The following MCPH1 variants were observed in gnomAD, a reference collection of about 807,000 sequenced individuals.
The protein encoded by MCPH1 is microcephalin 1.
Under a neutral mutation model 84.5 loss-of-function variants are expected in MCPH1, and 104 were observed. The observed-to-expected ratio is 1.23, with a 90% CI of 1.05 to 1.45. MCPH1 has a LOEUF of 1.45. Among genes scored for constraint, MCPH1 ranks in the 40% most tolerant of loss-of-function variants. The pLI, the probability that MCPH1 is intolerant of heterozygous loss-of-function variation, is 0.00. For synonymous variants in MCPH1, 514 were observed against 366.8 expected, an observed-to-expected ratio of 1.40 and a Z score of -4.58; for missense variants, 1,498 against 1,005.7, an observed-to-expected ratio of 1.49 and a Z score of -6.62.
At chr8:6,582,442 CTGTG>C (rs2129577118) in intron 12 of MCPH1, among the ~76,000 whole-genome samples, 1 of 152,334 alleles carries the variant, frequency 6.6e-6, no homozygotes, top group African/African-American at 2.4e-5. Flanking sequence ...GTGCATCTAT[CTGTG>C]TATTTGCTTA....
intron 9 of MCPH1, 75 bp downstream of exon 9, chr8:6,455,327 CAT>C: frequency 9.6e-7 from 1 of 1,042,420 alleles, no homozygotes; most frequent in Non-Finnish European, 1.5e-6. Flanking sequence ...GTCAATGAAA[CAT>C]AAACCAGTCT....
intron 13 of MCPH1, among the ~76,000 whole-genome samples, chr8:6,633,643 A>G (rs1269458038): frequency 6.6e-6 from 1 of 152,100 alleles, no homozygotes; most frequent in Non-Finnish European, 1.5e-5. Flanking sequence ...CCCTTCAACT[A>G]TAGTATAACT....
intron 12 of MCPH1, among the ~76,000 whole-genome samples, chr8:6,550,488 GA>G (rs1374612087): frequency 6.6e-6 from 1 of 152,196 alleles, no homozygotes; most frequent in Non-Finnish European, 1.5e-5. Flanking sequence ...GGGTGAAGCG[GA>G]AACAAGGGTA....
At position 6,594,568 on chromosome 8, in the gene MCPH1, G is replaced by A. The variant is rs560231009; in HGVS notation, c.2215-26886G>A. On this transcript the variant is annotated intron_variant, in intron 12 of 13. Coordinates refer to ENST00000344683, the MANE Select transcript of MCPH1 (RefSeq NM_024596.5). ...CTCATGTGTCCATGTTGCTGAGGGC[G>A]TCCTGGGCACAGAGCCTGCTCGCAT... 7.9e-5 allele frequency among the ~76,000 whole-genome samples: 12 copies of A among 152,346 alleles called. No individual in the cohort carries two copies. The East Asian group carries it at 9.6e-4, about 12-fold the overall frequency.
intron 12 of MCPH1, chr8:6,617,277 GTTTTT>G (rs71213326): frequency 8.7e-6 from 1 of 114,676 alleles, no homozygotes; most frequent in Non-Finnish European, 1.7e-5. Context: ...TGTTTTTTTT[GTTTTT>G]TTTTTTGTTT....
At chr8:6,576,680 G>GTTT (rs1827135581) in intron 12 of MCPH1, among the ~76,000 whole-genome samples, 1 of 36,340 alleles carries the variant, frequency 2.8e-5, no homozygotes, top group Admixed American at 4.0e-4. Context: ...GCTAATTTTT[G>GTTT]TATTTTTTTT....
intron 13 of MCPH1, among the ~76,000 whole-genome samples, chr8:6,629,673 C>T (rs528171966): frequency 2.0e-4 from 30 of 152,278 alleles, no homozygotes; most frequent in Admixed American, 9.8e-4. Context: ...GCTGTTTAAG[C>T]CACCCACCCT....
At chr8:6,642,675 C>A in intron 13 of MCPH1, 1 of 437,928 alleles carries the variant, frequency 2.3e-6, no homozygotes. Flanking sequence ...GCTCCTATGT[C>A]ACAGACTGGC....
At chr8:6,522,255 T>C (rs866685266) in intron 12 of MCPH1, among the ~76,000 whole-genome samples, 31 of 151,852 alleles carry the variant, frequency 2.0e-4, no homozygotes, top group Middle Eastern at 6.8e-3. Flanking sequence ...CTCTGGAGGC[T>C]GAGGCAGGAG....
At chr8:6,609,009 T>C (rs1448198294) in intron 12 of MCPH1, among the ~76,000 whole-genome samples, 1 of 152,120 alleles carries the variant, frequency 6.6e-6, no homozygotes, top group African/African-American at 2.4e-5. Flanking sequence ...TACTGCAGAG[T>C]TGCTGGGGGT....
At chr8:6,413,824 G>C (rs1331734999) in intron 2 of MCPH1, among the ~76,000 whole-genome samples, 1 of 149,302 alleles carries the variant, frequency 6.7e-6, no homozygotes, top group Non-Finnish European at 1.5e-5. Flanking sequence ...GCACAATCTT[G>C]GCTCACTGTA....
At chr8:6,637,478 A>G (rs1044460196) in intron 13 of MCPH1, among the ~76,000 whole-genome samples, 3 of 152,182 alleles carry the variant, frequency 2.0e-5, no homozygotes, top group African/African-American at 7.2e-5. Context: ...GAGAGAAGAC[A>G]AAGCAATAGG....
chr8:6,439,997 G>T (rs1441588066), intron 6 of MCPH1, among the ~76,000 whole-genome samples: 2 of 152,258 alleles, frequency 1.3e-5, no homozygotes, highest in African/African-American at 4.8e-5. Flanking sequence ...CTGTGTGGAG[G>T]TGTAATTTCT....
At chr8:6,418,996 A>T (rs899602027) in intron 3 of MCPH1, among the ~76,000 whole-genome samples, 3 of 151,900 alleles carry the variant, frequency 2.0e-5, no homozygotes, top group African/African-American at 7.3e-5. Flanking sequence ...AGTTTCTGGG[A>T]TTATAGTTTT....
At chr8:6,502,298 C>A (rs1812338756) in intron 12 of MCPH1, 1 of 151,762 alleles carries the variant, frequency 6.6e-6, no homozygotes, top group Admixed American at 6.6e-5. Context: ...TAGGCATATC[C>A]CCTAATAAGT....
chr8:6,561,645 G>A (rs115683203), intron 12 of MCPH1, among the ~76,000 whole-genome samples: 2 of 152,348 alleles, frequency 1.3e-5, no homozygotes, highest in African/African-American at 4.8e-5. Context: ...GCATTGTGAT[G>A]TAATGGCATC....
intron 3 of MCPH1, among the ~76,000 whole-genome samples, chr8:6,429,397 A>C (rs1563194752): frequency 2.0e-5 from 3 of 151,726 alleles, no homozygotes; most frequent in Non-Finnish European, 2.9e-5. Flanking sequence ...TGCCCTCTGC[A>C]CTTTGCCCCC....
At chr8:6,573,370 G>C (rs1329010828) in intron 12 of MCPH1, among the ~76,000 whole-genome samples, 1 of 152,134 alleles carries the variant, frequency 6.6e-6, no homozygotes, top group African/African-American at 2.4e-5. Flanking sequence ...TGATGTTAAA[G>C]AGGGGTGATC....
chr8:6,491,067 T>A (rs922704094), intron 11 of MCPH1, among the ~76,000 whole-genome samples: 14 of 145,122 alleles, frequency 9.6e-5, no homozygotes, highest in African/African-American at 2.4e-4. Flanking sequence ...TCAAAAAAAA[T>A]TTTTTTTTTA....
Sources: allele counts gnomAD v4.1 joint callset (sites outside exome capture counted in the v4.1 genomes callset), GRCh38; gene constraint gnomAD v4.1.1; transcripts MANE v1.5; gene names NCBI Gene and HGNC (gene_info 2026-07-23, HGNC 2026-07-21).